The following EFCAB8 variants were observed in gnomAD, a reference collection of about 807,000 sequenced individuals.
The protein encoded by EFCAB8 is EF-hand calcium binding domain 8.
Under a neutral mutation model 116.3 loss-of-function variants are expected in EFCAB8, and 100 were observed. The ratio of observed to expected loss-of-function variants is 0.86; its 90% confidence interval spans 0.73 to 1.02. The LOEUF (loss-of-function observed/expected upper bound fraction) is 1.02. Among genes scored for constraint, EFCAB8 ranks in the 50% least tolerant of loss-of-function variants. The pLI, the probability that EFCAB8 is intolerant of heterozygous loss-of-function variation, is 0.00. For missense variants in EFCAB8, 1,320 were observed against 1,416.9 expected (o/e 0.93, Z 1.10); for synonymous variants, 558 against 567.9 (o/e 0.98, Z 0.25).
chr20:32,908,224 C>A, intron 13 of EFCAB8, 51 bp from the exon 14 acceptor site: 1 of 1,247,734 alleles, frequency 8.0e-7, no homozygotes, highest in South Asian at 4.1e-5. Context: ...CAGGAGCCGG[C>A]TACATCCCCG....
At chr20:32,873,279 G>A (rs1306703493) in intron 3 of EFCAB8, among the ~76,000 whole-genome samples, 1 of 151,870 alleles carries the variant, frequency 6.6e-6, no homozygotes, top group Non-Finnish European at 1.5e-5. Context: ...TGAACTCTGA[G>A]GATGTTGGCC....
At position 32,888,118 on chromosome 20, in the gene EFCAB8, G is replaced by C. The variant is rs141262397; in HGVS notation, c.568-1183G>C. ...TTGCTCTGTCACCCAGGCTGGAGTG[G>C]AGTGGTGCAATCACGGCTCACTGCA... is the stretch of plus-strand genomic sequence containing the variant. On this transcript the variant is annotated intron_variant, in intron 6 of 26. Coordinates refer to ENST00000400522, the MANE Select transcript of EFCAB8 (RefSeq NM_001143967.2). Among the ~76,000 whole-genome samples, 615 of 151,678 alleles carry C rather than the reference G, an allele frequency of 4.1e-3. 6 individuals carry two copies. The highest frequency in any genetic ancestry group is 0.014 in the African/African-American group (596 of 41,356).
At position 32,867,731 on chromosome 20, in the gene EFCAB8, C is replaced by G. The variant is rs768176723; in HGVS notation, c.192C>G (p.Asp64Glu). 13 of 1,551,386 alleles carry G rather than the reference C, an allele frequency of 8.4e-6. No individual in the cohort carries two copies. The East Asian group carries it at 3.2e-4, about 38-fold the overall frequency. Residue 64 changes from aspartate (D) to glutamate (E), a missense_variant, in exon 3 of 27, where the codon GAC becomes GAG. Asp to Glu is a conservative substitution (Grantham distance 45). Transcript: ENST00000400522. ...AGATAGAGAAAATGTTTGAGGAGGA[C>G]ATCAACTCGACTGGAGGTAAGGCCG... ...LAKIEKMFEE[D>E]INSTGALGMD...
At chr20:32,913,045 T>C (rs1175047107) in intron 17 of EFCAB8, among the ~76,000 whole-genome samples, 181 bp downstream of exon 17, 2 of 152,220 alleles carry the variant, frequency 1.3e-5, no homozygotes, top group Non-Finnish European at 2.9e-5. Flanking sequence ...GAGGCTAATA[T>C]ATTCTTGGCC....
intron 3 of EFCAB8, among the ~76,000 whole-genome samples, chr20:32,869,239 AT>A (rs558913991): frequency 1.7e-3 from 249 of 144,296 alleles, no homozygotes; most frequent in African/African-American, 3.0e-3. Context: ...GGGTGTTGCA[AT>A]TTTTTTTTTT....
At chr20:32,949,906 A>G (rs1988744521) in intron 23 of EFCAB8, among the ~76,000 whole-genome samples, 1 of 152,356 alleles carries the variant, frequency 6.6e-6, no homozygotes, top group East Asian at 1.9e-4. Context: ...AGGCTGAGGC[A>G]CAAGAATCGC....
intron 23 of EFCAB8, among the ~76,000 whole-genome samples, chr20:32,954,465 C>G (rs1988900359): frequency 6.6e-6 from 1 of 152,136 alleles, no homozygotes; most frequent in Non-Finnish European, 1.5e-5. Context: ...TTTGGATACT[C>G]TCTTCTATTC....
intron 2 of EFCAB8, among the ~76,000 whole-genome samples, chr20:32,866,801 C>T (rs980753671): frequency 8.3e-5 from 12 of 144,278 alleles, no homozygotes; most frequent in Non-Finnish European, 1.2e-4. Context: ...CCTTCCCTCC[C>T]TCCCTCCCTC....
At chr20:32,893,359 G>C in intron 9 of EFCAB8, 61 bp downstream of exon 9, 1 of 1,543,454 alleles carries the variant, frequency 6.5e-7, no homozygotes, top group Admixed American at 2.0e-5. Flanking sequence ...TGGGTGCTGA[G>C]GTCATCCTGG....
chr20:32,863,730 C>T, intron 1 of EFCAB8, 53 bp from the exon 2 acceptor site: 1 of 1,527,804 alleles, frequency 6.5e-7, no homozygotes, highest in Non-Finnish European at 8.8e-7. Flanking sequence ...GTCAGCCTTC[C>T]ACGTGGTCCT....
intron 23 of EFCAB8, among the ~76,000 whole-genome samples, 170 bp downstream of exon 23, chr20:32,943,974 G>A (rs371768620): frequency 3.3e-5 from 5 of 152,086 alleles, no homozygotes; most frequent in East Asian, 1.9e-4. Context: ...TTCAGCAAAC[G>A]GTCCATCCAT....
At chr20:32,931,075 C>A in intron 21 of EFCAB8, 103 bp from the exon 22 acceptor site, 1 of 1,023,654 alleles carries the variant, frequency 9.8e-7, no homozygotes, top group Non-Finnish European at 1.4e-6. Flanking sequence ...GAACTGCCCC[C>A]CACCCCCACC....
intron 20 of EFCAB8, among the ~76,000 whole-genome samples, chr20:32,928,933 A>G (rs1420787963): frequency 6.6e-6 from 1 of 151,310 alleles, no homozygotes; most frequent in African/African-American, 2.4e-5. Context: ...TTCTGCATCA[A>G]TTAAGATGAT....
At chr20:32,950,336 C>T (rs1449778259) in intron 23 of EFCAB8, among the ~76,000 whole-genome samples, 1 of 152,196 alleles carries the variant, frequency 6.6e-6, no homozygotes, top group East Asian at 1.9e-4. Context: ...AACAAGGAAA[C>T]AAGTAATACA....
At chr20:32,879,579 G>A (rs1214484734) in intron 5 of EFCAB8, among the ~76,000 whole-genome samples, 1 of 152,160 alleles carries the variant, frequency 6.6e-6, no homozygotes, top group Non-Finnish European at 1.5e-5. Flanking sequence ...TGTAGGAAAT[G>A]AAGCCCCTAA....
At chr20:32,933,176 G>A (rs1176985080) in intron 22 of EFCAB8, among the ~76,000 whole-genome samples, 3 of 152,280 alleles carry the variant, frequency 2.0e-5, no homozygotes, top group African/African-American at 7.2e-5. Flanking sequence ...AGCAACCAGT[G>A]TAGACCTGAG....
rs190842619 is a variant in EFCAB8 at position 32,863,745 on chromosome 20, A to G, written c.-10-38A>G. 10 of 1,544,582 alleles carry G rather than the reference A, an allele frequency of 6.5e-6. No homozygotes were observed. The East Asian group carries it at 2.2e-4, about 34-fold the overall frequency. On this transcript the variant is annotated intron_variant, in intron 1 of 26. Coordinates refer to ENST00000400522, the MANE Select transcript of EFCAB8 (RefSeq NM_001143967.2). ...GTCAGCCTTCCACGTGGTCCTTACAACGACTGGAGTTAAGTTGACTATGAT... is the reference window on the plus strand; with the variant it reads ...GTCAGCCTTCCACGTGGTCCTTACAGCGACTGGAGTTAAGTTGACTATGAT...
In EFCAB8 at chr20:32,912,808, C is replaced by T. The variant is rs1207436912; in HGVS notation, c.1800C>T (p.Ile600=). ...ATCTTCAACAGATTAGTGGGATTAT[C>T]CATATGAACAAAGTGTTCTATGTGA... ...SPEQLEISGI[I]HMNKVFYVTG... The change falls in exon 17 of 27, where the codon ATC becomes ATT. Residue 600 remains isoleucine (I), a synonymous_variant. Coordinates refer to ENST00000400522, the MANE Select transcript of EFCAB8 (RefSeq NM_001143967.2). 1 of 718,892 alleles carries T rather than the reference C, an allele frequency of 1.4e-6. No homozygotes were observed. Among genetic ancestry groups the T allele is most frequent in the East Asian group, 2.7e-5 (1 of 37,292 alleles). 44.5% of individuals were successfully genotyped at this position (718,892 alleles called of 1,614,324 possible). A position where few individuals can be genotyped will look rare whatever the true frequency, so the allele number is the denominator to read the frequency against.
At chr20:32,945,434 G>A (rs911268740) in intron 23 of EFCAB8, among the ~76,000 whole-genome samples, 2 of 152,178 alleles carry the variant, frequency 1.3e-5, no homozygotes, top group African/African-American at 4.8e-5. Context: ...GGGATTATAG[G>A]TGTGGGCCAC....
Sources: gnomAD v4.1 joint callset for allele counts (sites outside exome capture counted in the v4.1 genomes callset) on GRCh38, gnomAD v4.1.1 for gene constraint, MANE v1.5 for transcripts, NCBI Gene and HGNC (gene_info 2026-07-23, HGNC 2026-07-21) for gene names.